EYS: variants seen among roughly 807,000 people sequenced by gnomAD.
EYS encodes EGF-like photoreceptor maintenance factor, also known as protein eyes shut homolog.
In EYS, 250 loss-of-function variants were observed where a neutral mutation model predicts 282.1. The observed-to-expected ratio is 0.89, with a 90% CI of 0.80 to 0.98. EYS has a LOEUF of 0.98. Ranked by LOEUF, EYS falls within the 50% of genes least tolerant of loss-of-function variation. The probability of loss-of-function intolerance (pLI) is 0.00; values close to 1 mark genes in which losing one functional copy is unlikely to be tolerated. For synonymous variants in EYS, 1,355 were observed against 1,282.9 expected, an observed-to-expected ratio of 1.06 and a Z score of -1.20; for missense variants, 4,016 against 3,709.0, an observed-to-expected ratio of 1.08 and a Z score of -2.15.
At chr6:63,835,905 A>C (rs1004105920) in intron 36 of EYS, among the ~76,000 whole-genome samples, 3 of 152,068 alleles carry the variant, frequency 2.0e-5, no homozygotes, top group African/African-American at 7.2e-5. Flanking sequence ...GTGGGAAAAG[A>C]AAGTCAAAAG....
chr6:64,463,558 G>A (rs756021012), intron 26 of EYS, among the ~76,000 whole-genome samples: 1 of 152,060 alleles, frequency 6.6e-6, no homozygotes, highest in Non-Finnish European at 1.5e-5. Flanking sequence ...TTGAATATTT[G>A]ATATTTTAAA....
Position 65,609,507 on chromosome 6 carries a change from G to T in EYS, c.-333+30271C>A, listed in dbSNP as rs189588903. Among the ~76,000 whole-genome samples, 137 of 152,034 alleles carry T rather than the reference G, an allele frequency of 9.0e-4. 1 individual carries two copies. The highest frequency in any genetic ancestry group is 2.7e-3 in the African/African-American group (110 of 41,498). The stretch of plus-strand genomic sequence containing the variant: ...ATCACAATTGCAAATCATCTTAAAA[G>T]GAGATTCTCATTCAGTATAATATAA... On this transcript the variant is annotated intron_variant, in intron 2 of 42. Coordinates refer to ENST00000503581, the MANE Select transcript of EYS (RefSeq NM_001142800.2).
intron 31 of EYS, among the ~76,000 whole-genome samples, chr6:64,220,410 C>T (rs1189511800): frequency 6.6e-6 from 1 of 152,108 alleles, no homozygotes; most frequent in Non-Finnish European, 1.5e-5. Context: ...CCTTCTTGGG[C>T]AGCTGCTTTC....
intron 12 of EYS, among the ~76,000 whole-genome samples, chr6:65,152,034 A>T (rs977828495): frequency 6.6e-6 from 1 of 151,944 alleles, no homozygotes; most frequent in Non-Finnish European, 1.5e-5. Context: ...AAATTATATA[A>T]GATACTTGTA....
At chr6:64,259,681 GAGTTC>G (rs1767521525) in intron 30 of EYS, among the ~76,000 whole-genome samples, 1 of 70,686 alleles carries the variant, frequency 1.4e-5, no homozygotes, top group South Asian at 5.2e-4. Flanking sequence ...CACACAATCT[GAGTTC>G]TGTGTGTGCA....
intron 26 of EYS, among the ~76,000 whole-genome samples, chr6:64,517,942 G>C (rs1229391088): frequency 6.6e-6 from 1 of 151,788 alleles, no homozygotes; most frequent in Non-Finnish European, 1.5e-5. Flanking sequence ...TTTTCCAGCT[G>C]ATGTTGCCTA....
At position 65,418,957 on chromosome 6, in the gene EYS, AG is replaced by A. The variant is rs1272338600; in HGVS notation, c.863-13591del. 3.9e-5 allele frequency among the ~76,000 whole-genome samples: 6 copies of A among 152,106 alleles called. No homozygotes were observed. In the East Asian group the frequency reaches 5.8e-4, roughly 15 times the overall value. On this transcript the variant is annotated intron_variant, in intron 5 of 42. Coordinates refer to ENST00000503581, the MANE Select transcript of EYS (RefSeq NM_001142800.2). The stretch of plus-strand genomic sequence containing the variant: ...TAATTTTATTTTCATGTTTCATCAA[AG>A]CCTTAAAGCTTTGATCAGGGGCTTG...
chr6:64,311,705 T>G (rs1247717502), intron 29 of EYS, among the ~76,000 whole-genome samples: 1 of 152,150 alleles, frequency 6.6e-6, no homozygotes, highest in Non-Finnish European at 1.5e-5. Context: ...GGTTGGACAG[T>G]GGGTACAGCC....
At chr6:64,102,040 G>C (rs986496597) in intron 31 of EYS, among the ~76,000 whole-genome samples, 1 of 152,006 alleles carries the variant, frequency 6.6e-6, no homozygotes, top group African/African-American at 2.4e-5. Context: ...TAAGTACAGA[G>C]GAAGCTTCGC....
intron 36 of EYS, among the ~76,000 whole-genome samples, chr6:63,816,737 C>T (rs1432182925): frequency 6.6e-6 from 1 of 152,194 alleles, no homozygotes; most frequent in Non-Finnish European, 1.5e-5. Context: ...AAGGCATGTA[C>T]ATGTACGCAA....
chr6:64,802,245 A>G (rs1764268282), intron 22 of EYS, among the ~76,000 whole-genome samples: 1 of 151,236 alleles, frequency 6.6e-6, no homozygotes, highest in African/African-American at 2.4e-5. Context: ...TCTGTGGCTA[A>G]CACCTCTGTG....
chr6:64,472,912 A>G (rs1174096745), intron 26 of EYS, among the ~76,000 whole-genome samples: 2 of 152,154 alleles, frequency 1.3e-5, no homozygotes, highest in African/African-American at 4.8e-5. Context: ...TTGTTATCCC[A>G]TGAAAGATGA....
intron 10 of EYS, among the ~76,000 whole-genome samples, chr6:65,343,312 A>G (rs1027689326): frequency 3.3e-5 from 5 of 151,356 alleles, no homozygotes; most frequent in Non-Finnish European, 7.4e-5. Flanking sequence ...GAATTAAAAC[A>G]TGGCTTTCTT....
Position 65,118,320 on chromosome 6 carries a change from C to A in EYS, c.2024-60593G>T, listed in dbSNP as rs73768076. On this transcript the variant is annotated intron_variant, in intron 12 of 42. Transcript: ENST00000503581. ...ACATGATGAGGGCCTAGTTAGGCTT[C>A]ATTTAGAAAATGCATCCGAATTATG... is the stretch of plus-strand genomic sequence containing the variant. Among the ~76,000 whole-genome samples the A allele has an allele frequency of 2.8e-3, 422 of 151,910 alleles. 6 individuals carry two copies. The highest frequency in any genetic ancestry group is 0.01 in the Middle Eastern group (3 of 294).
At chr6:65,694,211 T>C (rs1405078828) in intron 1 of EYS, among the ~76,000 whole-genome samples, 1 of 150,164 alleles carries the variant, frequency 6.7e-6, no homozygotes, top group East Asian at 2.3e-4. Context: ...TGAGCCAAGA[T>C]TGTGCCATTG....
Position 65,167,427 on chromosome 6 carries a change from G to A in EYS, c.2024-109700C>T, listed in dbSNP as rs1487391470. ...ACAACTTTGTGAGTTTTCTATAAAT[G>A]GGTATATTGTACACTTTTAAAAAGT... On this transcript the variant is annotated intron_variant, in intron 12 of 42. Transcript: ENST00000503581. Among the ~76,000 whole-genome samples the A allele has an allele frequency of 2.6e-5, 4 of 151,154 alleles. No individual in the cohort carries two copies. In the East Asian group the frequency reaches 7.8e-4, roughly 30 times the overall value.
intron 11 of EYS, among the ~76,000 whole-genome samples, chr6:65,296,696 GCATT>G (rs1376650002): frequency 6.6e-6 from 1 of 151,518 alleles, no homozygotes; most frequent in African/African-American, 2.4e-5. Flanking sequence ...CATAATTCAT[GCATT>G]CATTATTTTA....
intron 33 of EYS, among the ~76,000 whole-genome samples, chr6:64,059,833 A>C (rs1771103833): frequency 6.6e-6 from 1 of 152,188 alleles, no homozygotes; most frequent in Non-Finnish European, 1.5e-5. Flanking sequence ...TAAAGGTGCA[A>C]GAGTAATGTT....
At chr6:64,239,745 G>T (rs1207078063) in intron 30 of EYS, among the ~76,000 whole-genome samples, 3 of 152,050 alleles carry the variant, frequency 2.0e-5, no homozygotes, top group Admixed American at 6.6e-5. Flanking sequence ...CTGTGCTGAA[G>T]CTCTTTAGTT....
Sources: allele counts gnomAD v4.1 joint callset (sites outside exome capture counted in the v4.1 genomes callset), GRCh38; gene constraint gnomAD v4.1.1; transcripts MANE v1.5; gene names NCBI Gene and HGNC (gene_info 2026-07-23, HGNC 2026-07-21).